The following PHKA2 variants were observed in gnomAD, a reference collection of about 807,000 sequenced individuals.
The protein encoded by PHKA2 is phosphorylase kinase regulatory subunit alpha 2.
In PHKA2, 31 loss-of-function variants were observed where a neutral mutation model predicts 102.0. The ratio of observed to expected loss-of-function variants is 0.30; its 90% confidence interval spans 0.23 to 0.41. The LOEUF (loss-of-function observed/expected upper bound fraction) is 0.41. Among genes scored for constraint, PHKA2 ranks in the 10% least tolerant of loss-of-function variants. PHKA2 has a pLI of 1.00. For missense variants in PHKA2, 858 were observed against 1,023.1 expected (o/e 0.84, Z 2.20); for synonymous variants, 455 against 416.2 (o/e 1.09, Z -1.13).
chrX:18,900,816 C>T, intron 27 of PHKA2, 117 bp from the exon 28 acceptor site: 1 of 591,004 alleles, frequency 1.7e-6, no homozygotes, highest in South Asian at 2.3e-5. Flanking sequence ...GGGGGTGACC[C>T]ATGAGTGCAT....
intron 1 of PHKA2, among the ~76,000 whole-genome samples, chrX:18,974,766 C>G (rs1161667368): frequency 1.8e-5 from 2 of 110,962 alleles, no homozygotes; most frequent in Non-Finnish European, 3.8e-5. Flanking sequence ...GACCCTAACC[C>G]TTATGACCTA....
chrX:18,946,870 G>C (rs1432745943), intron 5 of PHKA2, among the ~76,000 whole-genome samples: 1 of 102,447 alleles, frequency 9.8e-6, no homozygotes, highest in Non-Finnish European at 2.0e-5. Context: ...CTGAGTCATT[G>C]GGGTGGGGGG....
intron 24 of PHKA2, 25 bp from the exon 25 acceptor site, chrX:18,906,649 G>A (rs1325335058): frequency 1.7e-6 from 2 of 1,195,367 alleles, no homozygotes; most frequent in Non-Finnish European, 2.3e-6. Context: ...CACGGAGATA[G>A]GGTTTCAGAG....
chrX:18,908,188 C>A, intron 21 of PHKA2, 132 bp from the exon 22 acceptor site: 1 of 642,510 alleles, frequency 1.6e-6, no homozygotes, highest in South Asian at 2.2e-5. Context: ...GGGTTACGCC[C>A]GACCAAAGCT....
Position 18,893,301 on chromosome X carries a change from G to A in PHKA2, c.*184C>T. ...TTGCGGGGGAACACAGGACTCCTCA[G>A]CTCTATCTCTGTGGCTTTAACATAC... On this transcript the variant is annotated 3_prime_UTR_variant, in exon 33 of 33. Coordinates refer to ENST00000379942, the MANE Select transcript of PHKA2 (RefSeq NM_000292.3). The A allele has an allele frequency of 2.0e-6, 1 of 502,017 alleles. No homozygotes were observed. The allele number at this position is 502,017 out of a possible 1,213,427, so 41.4% of individuals were successfully genotyped here.
chrX:18,933,560 C>T (rs2048347829), intron 11 of PHKA2, among the ~76,000 whole-genome samples: 1 of 112,755 alleles, frequency 8.9e-6, no homozygotes, highest in Non-Finnish European at 1.9e-5. Context: ...GTGGGGCTCA[C>T]ATCCAAGCTG....
At chrX:18,918,607 C>G in intron 19 of PHKA2, 74 bp downstream of exon 19, 6 of 1,039,051 alleles carry the variant, frequency 5.8e-6, no homozygotes, top group Non-Finnish European at 8.1e-6. Flanking sequence ...GATTCTTTGG[C>G]TTTTAAATTA....
chrX:18,935,908 G>A lies in PHKA2; in HGVS notation c.1137+147C>T, dbSNP rs150022634. 719 of 497,040 alleles carry A rather than the reference G, an allele frequency of 1.4e-3. 2 individuals carry two copies. In the African/African-American group the frequency reaches 0.015, roughly 10 times the overall value. 41.0% of individuals were successfully genotyped at this position (497,040 alleles called of 1,213,427 possible). On this transcript the variant is annotated intron_variant, in intron 11 of 32. Coordinates refer to ENST00000379942, the MANE Select transcript of PHKA2 (RefSeq NM_000292.3). Reference sequence around the variant, plus strand: ...TGGGATTACAGGCGTGAGCCACCGCGCCCAGCCTACCTAAGGCTTTTGAAA... The same window carrying A: ...TGGGATTACAGGCGTGAGCCACCGCACCCAGCCTACCTAAGGCTTTTGAAA...
At chrX:18,926,305 C>T in intron 14 of PHKA2, 148 bp downstream of exon 14, 4 of 551,008 alleles carry the variant, frequency 7.3e-6, no homozygotes, top group East Asian at 3.3e-5. Flanking sequence ...TTTGCCCGTT[C>T]CTCTTCACAT....
At chrX:18,959,856 C>T (rs1207367969) in intron 1 of PHKA2, among the ~76,000 whole-genome samples, 1 of 111,305 alleles carries the variant, frequency 9.0e-6, no homozygotes, top group Non-Finnish European at 1.9e-5. Context: ...ATAGCCTGAA[C>T]CTGCACTGAC....
In PHKA2 at chrX:18,905,837, C is replaced by T. The variant is rs2047800903; in HGVS notation, c.2829G>A (p.Leu943=). Residue 943 remains leucine, a synonymous_variant, in exon 26 of 33, where the codon TTG becomes TTA. Coordinates refer to ENST00000379942, the MANE Select transcript of PHKA2 (RefSeq NM_000292.3). ...NCSGEEASES[L]MNLSPFDMKN... ...TCATATCGAAAGGGCTGAGGTTCATCAAACTTTCAGAAGCCTCTTCTCCTA... is the reference window on the plus strand; with the variant it reads ...TCATATCGAAAGGGCTGAGGTTCATTAAACTTTCAGAAGCCTCTTCTCCTA... The T allele has an allele frequency of 1.7e-6, 2 of 1,199,914 alleles. No homozygotes were observed. Among genetic ancestry groups the T allele is most frequent in the East Asian group, 5.9e-5 (2 of 33,801 alleles).
In PHKA2 at chrX:18,984,007, G is replaced by T; in HGVS notation, c.-75C>A. On this transcript the variant is annotated 5_prime_UTR_variant, in exon 1 of 33. Transcript: ENST00000379942. Reference sequence around the variant, plus strand: ...GACGTCGGGGCTGTGGCCTCCAAGCGGGTCTGGTTCCCGGACACTCACAGC... The same window carrying T: ...GACGTCGGGGCTGTGGCCTCCAAGCTGGTCTGGTTCCCGGACACTCACAGC... 1 of 891,085 alleles carries T rather than the reference G, an allele frequency of 1.1e-6. No homozygotes were observed. Among genetic ancestry groups the T allele is most frequent in the South Asian group, 2.0e-5 (1 of 49,879 alleles). 73.4% of individuals were successfully genotyped at this position (891,085 alleles called of 1,213,427 possible).
chrX:18,964,434 C>G (rs1171085938), intron 1 of PHKA2, among the ~76,000 whole-genome samples: 1 of 112,395 alleles, frequency 8.9e-6, no homozygotes, highest in Non-Finnish European at 1.9e-5. Context: ...CCCCACCTTG[C>G]TCAGTTTCGA....
chrX:18,927,421 C>G (rs1346689996), intron 13 of PHKA2, among the ~76,000 whole-genome samples: 1 of 112,129 alleles, frequency 8.9e-6, no homozygotes, highest in East Asian at 2.8e-4. Flanking sequence ...AAAAGGGGAG[C>G]ACGGCCACAG....
intron 28 of PHKA2, among the ~76,000 whole-genome samples, chrX:18,899,959 C>G (rs755056128): frequency 8.4e-4 from 94 of 111,769 alleles, no homozygotes; most frequent in African/African-American, 3.0e-3. Flanking sequence ...GAAATAGAGG[C>G]GGAAGGAACC....
At chrX:18,947,498 G>A (rs763032939) in intron 5 of PHKA2, among the ~76,000 whole-genome samples, 8 of 112,234 alleles carry the variant, frequency 7.1e-5, no homozygotes, top group Admixed American at 3.8e-4. Flanking sequence ...TTGGGGCGAC[G>A]CTCATGGCAT....
At chrX:18,897,027 GC>G (rs762196190) in intron 30 of PHKA2, 135 bp downstream of exon 30, 3 of 726,791 alleles carry the variant, frequency 4.1e-6, no homozygotes, top group Admixed American at 4.4e-5. Flanking sequence ...GAATGCCTCG[GC>G]CCCAGGTGCC....
At chrX:18,908,193 A>G in intron 21 of PHKA2, 137 bp from the exon 22 acceptor site, 1 of 626,768 alleles carries the variant, frequency 1.6e-6, no homozygotes, top group Admixed American at 2.3e-5. Flanking sequence ...ACGCCCGACC[A>G]AAGCTTCCCT....
chrX:18,952,142 T>C (rs1278277534), intron 3 of PHKA2, among the ~76,000 whole-genome samples: 2 of 95,108 alleles, frequency 2.1e-5, no homozygotes, highest in African/African-American at 8.0e-5. Context: ...TGCGCCCAGG[T>C]GTTCAAGACC....
Sources: allele counts gnomAD v4.1 joint callset (sites outside exome capture counted in the v4.1 genomes callset), GRCh38; gene constraint gnomAD v4.1.1; transcripts MANE v1.5; gene names NCBI Gene and HGNC (gene_info 2026-07-23, HGNC 2026-07-21).